Variants in ESPN observed in about 807,000 individuals in gnomAD.
ESPN encodes the protein autosomal recessive deafness type 36 protein.
In ESPN, 68 loss-of-function variants were observed where a neutral mutation model predicts 77.7. The ratio of observed to expected loss-of-function variants is 0.87; its 90% CI spans 0.72 to 1.07. ESPN has a LOEUF of 1.07. Among genes scored for constraint, ESPN ranks in the 50% least tolerant of loss-of-function variants. The pLI, the probability that ESPN is intolerant of heterozygous loss-of-function variation, is 0.00. For missense variants in ESPN, 1,060 were observed against 1,239.0 expected (o/e 0.86, Z 2.17); for synonymous variants, 449 against 567.1 (o/e 0.79, Z 2.96).
At position 6,452,897 on chromosome 1, in the gene ESPN, A is replaced by ATTTTTTT. The variant is rs1350694225; in HGVS notation, c.2325+807_2325+808insTTTTTTT. ...TATTCCCCAAATGCCATTTATTTTT[A>ATTTTTTT]TTTTTTATTTTTTGAGACAGGGTCT... On this transcript the variant is annotated intron_variant, in intron 10 of 12. Transcript: ENST00000645284. Among the ~76,000 whole-genome samples the ATTTTTTT allele has an allele frequency of 2.6e-3, 361 of 138,784 alleles. 3 individuals carry two copies. The highest frequency in any genetic ancestry group is 0.011 in the African/African-American group (329 of 29,272). The allele number at this position is 138,784 out of a possible 152,430, so 91.0% of individuals were successfully genotyped here.
intron 12 of ESPN, among the ~76,000 whole-genome samples, chr1:6,458,655 G>T (rs562400150): frequency 4.8e-4 from 73 of 151,946 alleles, no homozygotes; most frequent in Non-Finnish European, 1.1e-3. Context: ...AGGGGGCTGG[G>T]CGCAGTGGCT....
Position 6,451,654 on chromosome 1 carries a change from T to C in ESPN, c.1967T>C (p.Leu656Pro). The C allele has an allele frequency of 1.9e-6, 3 of 1,613,304 alleles. No homozygotes were observed. The highest frequency in any genetic ancestry group is 2.5e-6 in the Non-Finnish European group (3 of 1,179,948). ...MSPTGDNSELLAEIKAGKSLK... is the reference protein window; with the variant it reads ...MSPTGDNSELPAEIKAGKSLK... ...CCGACGGGCGACAACTCGGAGCTAC[T>C]GGCTGAGATTAAGGCAGGCAAGAGC... The change falls in exon 9 of 13, where the codon CTG (leucine) becomes CCG (proline). Residue 656 changes from leucine to proline, a missense_variant. Around this residue, in one of 3 missense-constraint regions of ESPN, gnomAD observed 374 missense variants for 381.4 expected, o/e 0.98. Coordinates refer to ENST00000645284, the MANE Select transcript of ESPN (RefSeq NM_031475.3). This position sits in a 1 kb window ranked among gnomAD's most constrained non-coding sequence, Gnocchi z 4.3.
At position 6,450,967 on chromosome 1, in the gene ESPN, G is replaced by A. The variant is rs867381097; in HGVS notation, c.1916-636G>A. On this transcript the variant is annotated intron_variant, in intron 8 of 12. Coordinates refer to ENST00000645284, the MANE Select transcript of ESPN (RefSeq NM_031475.3). This position sits in a 1 kb window ranked among gnomAD's most constrained non-coding sequence, Gnocchi z 4.3. ...CTGCCCTTCCTCCTGGGTGCCTCCC[G>A]TAGCCTTAGTAAGGGCTCTGCTTTC... is the stretch of plus-strand genomic sequence containing the variant. Among the ~76,000 whole-genome samples the A allele has an allele frequency of 3.0e-4, 45 of 152,290 alleles. No individual in the cohort carries two copies. Among genetic ancestry groups the A allele is most frequent in the African/African-American group, 9.6e-4 (40 of 41,544 alleles).
chr1:6,431,945 G>A (rs1643270413), intron 2 of ESPN, among the ~76,000 whole-genome samples: 1 of 152,232 alleles, frequency 6.6e-6, no homozygotes. Context: ...GTGTTTTAGA[G>A]AGGCTGATTC....
downstream of ESPN, chr1:6,461,239 C>A: frequency 4.0e-6 from 3 of 755,404 alleles, no homozygotes; most frequent in Admixed American, 6.0e-5. The surrounding 1 kb of genome is among the most constrained non-coding windows in gnomAD (Gnocchi z 6.3). Flanking sequence ...TCTTCACCCC[C>A]TCTCGACATT....
chr1:6,442,144 C>A (rs1643660467), intron 5 of ESPN, among the ~76,000 whole-genome samples: 1 of 152,202 alleles, frequency 6.6e-6, no homozygotes, highest in South Asian at 2.1e-4. Context: ...GAGCCCAGGG[C>A]ACCTGAGGGC....
rs11121883 is a variant in ESPN at position 6,447,160 on chromosome 1, T to G, written c.1464+1225T>G. On this transcript the variant is annotated intron_variant, in intron 7 of 12. Transcript: ENST00000645284. The surrounding 1 kb of genome is among the most constrained non-coding windows in gnomAD (Gnocchi z 5.2). Reference sequence around the variant, plus strand: ...GTGAGCCCCCTCCCGGCTGTGTGCGTCCCTCCGGGCTGTGTGCGCCCCTCC... The same window carrying G: ...GTGAGCCCCCTCCCGGCTGTGTGCGGCCCTCCGGGCTGTGTGCGCCCCTCC... Among the ~76,000 whole-genome samples the G allele has an allele frequency of 2.7e-5, 4 of 150,394 alleles. No homozygotes were observed. Among genetic ancestry groups the G allele is most frequent in the Admixed American group, 1.3e-4 (2 of 15,142 alleles).
Position 6,451,781 on chromosome 1 carries a change from C to T in ESPN, c.2061+33C>T. ...GGCCCAGCAGGAGCCTGCGACCCGG[C>T]TTCCCTGGCCCTAGGCCACCGGGCG... On this transcript the variant is annotated intron_variant, in intron 9 of 12. Coordinates refer to ENST00000645284, the MANE Select transcript of ESPN (RefSeq NM_031475.3). This position sits in a 1 kb window ranked among gnomAD's most constrained non-coding sequence, Gnocchi z 4.3. The T allele has an allele frequency of 6.2e-7, 1 of 1,610,336 alleles. No individual in the cohort carries two copies. The highest frequency in any genetic ancestry group is 1.1e-5 in the South Asian group (1 of 90,584).
chr1:6,457,224 G>A lies in ESPN; in HGVS notation c.2366G>A (p.Trp789Ter). ...EEARLASMPA[W>*]RRDLLRKKLE... ...GCCCGGCTGGCCAGCATGCCCGCCT[G>A]GAGGCGGGACCTCCTGCGGAAGAAG... is the stretch of plus-strand genomic sequence containing the variant. Residue 789 changes from tryptophan (W) to a stop codon, truncating the protein, a stop_gained, in exon 11 of 13, where the codon TGG becomes TAG. Transcript: ENST00000645284. LOFTEE classifies it high-confidence loss of function. 1 of 1,613,092 alleles carries A rather than the reference G, an allele frequency of 6.2e-7. No individual in the cohort carries two copies. Among genetic ancestry groups the A allele is most frequent in the Non-Finnish European group, 8.5e-7 (1 of 1,179,494 alleles).
rs1414758317 is a variant in ESPN, at chr1:6,425,121, G to A, written c.166G>A (p.Val56Met). The A allele has an allele frequency of 6.6e-7, 1 of 1,509,016 alleles. No individual in the cohort carries two copies. The highest frequency in any genetic ancestry group is 1.2e-5 in the South Asian group (1 of 81,374). 93.5% of individuals were successfully genotyped at this position (1,509,016 alleles called of 1,614,324 possible). Reference sequence around the variant, plus strand: ...GAAGCTGCACTGTCTGCGCTTCCTGGTGGAGGAAGCCGCCCTCCCCGCCGC... The same window carrying A: ...GAAGCTGCACTGTCTGCGCTTCCTGATGGAGGAAGCCGCCCTCCCCGCCGC... Reference protein sequence around the residue: ...AGKLHCLRFLVEEAALPAAAR... With the variant: ...AGKLHCLRFLMEEAALPAAAR... The change falls in exon 1 of 13, where the codon GTG becomes ATG. Residue 56 changes from valine (V) to methionine (M), a missense_variant. Val to Met is a conservative substitution (Grantham distance 21). Around this residue, in one of 3 missense-constraint regions of ESPN, gnomAD observed 556 missense variants for 633.6 expected, o/e 0.88. Coordinates refer to ENST00000645284, the MANE Select transcript of ESPN (RefSeq NM_031475.3).
At chr1:6,454,515 G>A (rs1438463855) in intron 10 of ESPN, 4 of 398,878 alleles carry the variant, frequency 1.0e-5, no homozygotes, top group Non-Finnish European at 1.8e-5. Context: ...CGGGCCCTTT[G>A]GCGAGCTTAT....
At chr1:6,461,078 CG>C (rs1445107419), downstream of ESPN, 2 of 501,340 alleles carry the variant, frequency 4.0e-6, no homozygotes, top group African/African-American at 3.9e-5. This position sits in a 1 kb window ranked among gnomAD's most constrained non-coding sequence, Gnocchi z 6.3. Context: ...ACAAGATTCC[CG>C]TCCCCTTCGA....
chr1:6,456,342 GCCTCAGCCTCTGAGGTCCCAT>G, intron 10 of ESPN: 1 of 386,324 alleles, frequency 2.6e-6, no homozygotes, highest in Admixed American at 4.5e-5. Context: ...GGACCAGGCT[GCCTCAGCCTCTGAGGTCCCAT>G]CGTGGCGGGC....
intron 6 of ESPN, among the ~76,000 whole-genome samples, chr1:6,444,917 A>G (rs1247120301): frequency 7.9e-5 from 12 of 152,144 alleles, no homozygotes; most frequent in Admixed American, 7.9e-4. Context: ...CCCACCCACA[A>G]AGTCCACGTG....
At position 6,425,235 on chromosome 1, in the gene ESPN, G is replaced by C; in HGVS notation, c.280G>C (p.Gly94Arg). 6.4e-7 allele frequency: 1 copy of C among 1,565,618 alleles called. No homozygotes were observed. The highest frequency in any genetic ancestry group is 8.6e-7 in the Non-Finnish European group (1 of 1,164,428). Reference sequence around the variant, plus strand: ...CCTGCAGTGGCTGCTGTCGCAGGGCGGCTGCAGAGTGCAGGTGGGTCCGCG... The same window carrying C: ...CCTGCAGTGGCTGCTGTCGCAGGGCCGCTGCAGAGTGCAGGTGGGTCCGCG... ...ACLQWLLSQG[G>R]CRVQDKDNSG... Residue 94 changes from glycine (G) to arginine (R), a missense_variant, in exon 1 of 13, where the codon GGC becomes CGC. This residue lies in a region of ESPN where 556 missense variants were observed against 633.6 expected (regional missense o/e 0.88). Transcript: ENST00000645284.
Position 6,448,996 on chromosome 1 carries a change from C to A in ESPN, c.1820C>A (p.Pro607Gln). The A allele has an allele frequency of 6.9e-7, 1 of 1,452,488 alleles. No individual in the cohort carries two copies. The allele number at this position is 1,452,488 out of a possible 1,614,324, so 90.0% of individuals were successfully genotyped here. Reference sequence around the variant, plus strand: ...CCCCCACCGCCGCCGCCGCCCCTGCCGGAGGCCGCGAGTTCGCCACCGCCG... The same window carrying A: ...CCCCCACCGCCGCCGCCGCCCCTGCAGGAGGCCGCGAGTTCGCCACCGCCG... ...PPPPPPPPPL[P>Q]EAASSPPPAP... The change falls in exon 8 of 13, where the codon CCG (proline) becomes CAG (glutamine). Residue 607 changes from proline (P) to glutamine (Q), a missense_variant. By Grantham distance (76) the Pro-to-Gln change is moderately conservative (BLOSUM62 -1). This residue lies in a region of ESPN where 374 missense variants were observed against 381.4 expected (regional missense o/e 0.98). Coordinates refer to ENST00000645284, the MANE Select transcript of ESPN (RefSeq NM_031475.3).
At position 6,448,945 on chromosome 1, in the gene ESPN, A is replaced by G. The variant is rs1643898904; in HGVS notation, c.1769A>G (p.Lys590Arg). The G allele has an allele frequency of 5.7e-6, 8 of 1,408,052 alleles. No individual in the cohort carries two copies. The highest frequency in any genetic ancestry group is 7.4e-6 in the Non-Finnish European group (8 of 1,086,448). 87.2% of individuals were successfully genotyped at this position (1,408,052 alleles called of 1,614,324 possible). Reference sequence around the variant, plus strand: ...CCTAACGGCTGCGCCGCGGACCCCAAGGCGTCCAGGGAGCTGCCACCGCCG... The same window carrying G: ...CCTAACGGCTGCGCCGCGGACCCCAGGGCGTCCAGGGAGCTGCCACCGCCG... ...HVPNGCAADP[K>R]ASRELPPPPP... Residue 590 changes from lysine (K) to arginine (R), a missense_variant, in exon 8 of 13, where the codon AAG becomes AGG. Lys to Arg is a conservative substitution (Grantham distance 26). Coordinates refer to ENST00000645284, the MANE Select transcript of ESPN (RefSeq NM_031475.3).
Position 6,449,027 on chromosome 1 carries a change from G to A in ESPN, c.1851G>A (p.Pro617=), listed in dbSNP as rs1362763702. The part of the protein sequence containing the change: ...PEAASSPPPA[P]PLPLESAGPG... ...CCGCGAGTTCGCCACCGCCGGCCCCGCCTCTGCCCCTCGAGAGCGCTGGCC... is the reference window on the plus strand; with the variant it reads ...CCGCGAGTTCGCCACCGCCGGCCCCACCTCTGCCCCTCGAGAGCGCTGGCC... Residue 617 remains proline (P), a synonymous_variant, in exon 8 of 13, where the codon CCG becomes CCA. Coordinates refer to ENST00000645284, the MANE Select transcript of ESPN (RefSeq NM_031475.3). 9.5e-6 allele frequency: 14 copies of A among 1,466,636 alleles called. 1 individual carries two copies. The Admixed American group carries it at 1.5e-4, about 15-fold the overall frequency. 90.9% of individuals were successfully genotyped at this position (1,466,636 alleles called of 1,614,324 possible). A position where few individuals can be genotyped will look rare whatever the true frequency, so the allele number is the denominator to read the frequency against.
At chr1:6,458,925 T>A (rs1234193834) in intron 12 of ESPN, among the ~76,000 whole-genome samples, 1 of 115,494 alleles carries the variant, frequency 8.7e-6, no homozygotes, top group Non-Finnish European at 1.6e-5. Flanking sequence ...AGAGTGAGAC[T>A]CCATTTCAAA....
Sources: gnomAD v4.1 joint callset for allele counts (sites outside exome capture counted in the v4.1 genomes callset) on GRCh38, gnomAD v4.1.1 for gene constraint, gnomAD v4.1.1 regional missense constraint, Gnocchi (gnomAD v3.1) non-coding constraint, MANE v1.5 for transcripts, NCBI Gene and HGNC (gene_info 2026-07-23, HGNC 2026-07-21) for gene names.